TSPEAR: variants seen among roughly 807,000 people sequenced by gnomAD.
TSPEAR encodes the protein thrombospondin-type laminin G domain and EAR repeat-containing protein.
In TSPEAR, 69 loss-of-function variants were observed where a neutral mutation model predicts 71.6. That is an observed-to-expected ratio of 0.96 (90% confidence interval 0.79 to 1.18). The LOEUF (loss-of-function observed/expected upper bound fraction) is 1.18. TSPEAR is among the 50% of genes most tolerant of loss of function. The pLI is 0.00. For synonymous variants in TSPEAR, 402 were observed against 387.2 expected, an observed-to-expected ratio of 1.04 and a Z score of -0.45; for missense variants, 971 against 894.9, an observed-to-expected ratio of 1.09 and a Z score of -1.09.
chr21:44,626,322 G>A (rs587719602), intron 1 of TSPEAR, among the ~76,000 whole-genome samples: 10 of 152,342 alleles, frequency 6.6e-5, no homozygotes, highest in East Asian at 3.9e-4. Flanking sequence ...TCATGCAGCC[G>A]TGAGAGTTGC....
At chr21:44,636,079 A>C (rs900766057) in intron 1 of TSPEAR, among the ~76,000 whole-genome samples, 15 of 152,164 alleles carry the variant, frequency 9.9e-5, no homozygotes, top group Admixed American at 3.3e-4. Flanking sequence ...AATTTTTCAC[A>C]TTAATCTTCC....
At chr21:44,647,315 C>A in intron 1 of TSPEAR, 9 of 1,613,904 alleles carry the variant, frequency 5.6e-6, no homozygotes, top group East Asian at 2.2e-5. Context: ...TCCCGCCTGG[C>A]CTGCTACAGC....
At chr21:44,647,171 C>A (rs781930739) in intron 1 of TSPEAR, 1 of 1,614,060 alleles carries the variant, frequency 6.2e-7, no homozygotes, top group South Asian at 1.1e-5. Context: ...TCCTCTGTGT[C>A]CCTCCTCTGC....
chr21:44,630,743 C>G (rs1163179073), intron 1 of TSPEAR, among the ~76,000 whole-genome samples: 4 of 152,086 alleles, frequency 2.6e-5, no homozygotes, highest in Non-Finnish European at 5.9e-5. Flanking sequence ...AGGGTGTGGA[C>G]CAACACACAG....
At chr21:44,578,186 A>C (rs146240992) in intron 1 of TSPEAR, among the ~76,000 whole-genome samples, 36 of 152,374 alleles carry the variant, frequency 2.4e-4, no homozygotes, top group African/African-American at 8.2e-4. Context: ...GAACTAATAC[A>C]TCAGGAATGA....
At chr21:44,702,571 C>A in intron 1 of TSPEAR, 2 of 1,609,108 alleles carry the variant, frequency 1.2e-6, no homozygotes, top group Middle Eastern at 1.7e-4. Context: ...TAGCTGCCAG[C>A]CGGCTTGCTG....
intron 1 of TSPEAR, among the ~76,000 whole-genome samples, chr21:44,572,834 G>GAC (rs71199612): frequency 0.014 from 1,771 of 124,864 alleles, 17 homozygotes; most frequent in East Asian, 0.027. Flanking sequence ...GGGAGATTTG[G>GAC]ACACACACAC....
chr21:44,523,821 TAGTC>T (rs1392329125), intron 8 of TSPEAR, among the ~76,000 whole-genome samples: 30 of 142,336 alleles, frequency 2.1e-4, no homozygotes, highest in African/African-American at 7.2e-4. Context: ...GTCAGTCAGT[TAGTC>T]AGGTAATTAG....
intron 1 of TSPEAR, among the ~76,000 whole-genome samples, chr21:44,571,398 A>G (rs2053794360): frequency 6.6e-6 from 1 of 152,212 alleles, no homozygotes; most frequent in African/African-American, 2.4e-5. Flanking sequence ...AAAAACCAGC[A>G]CCAACACGAT....
At chr21:44,513,129 C>T (rs2052444149) in intron 9 of TSPEAR, among the ~76,000 whole-genome samples, 1 of 152,194 alleles carries the variant, frequency 6.6e-6, no homozygotes, top group African/African-American at 2.4e-5. Flanking sequence ...CTGGCAGAAC[C>T]CCCACGGGGT....
rs1200945937 is a variant in TSPEAR, at chr21:44,689,734, T to TATATATATATATATATATATATAA, written c.82+21698_82+21699insTTATATATATATATATATATATAT. 7.3e-5 allele frequency among the ~76,000 whole-genome samples: 9 copies of TATATATATATATATATATATATAA among 123,538 alleles called. 2 individuals carry two copies. Among genetic ancestry groups the TATATATATATATATATATATATAA allele is most frequent in the Non-Finnish European group, 1.2e-4 (7 of 60,366 alleles). The allele number at this position is 123,538 out of a possible 152,430, so 81.0% of individuals were successfully genotyped here. ...ATGAATATATATATATATATATATATATATATTTTGGGGGGGGTTACTAAG... is the reference window on the plus strand; with the variant it reads ...ATGAATATATATATATATATATATATATATATATATATATATATATATAAATATATTTTGGGGGGGGTTACTAAG... On this transcript the variant is annotated intron_variant, in intron 1 of 11. Coordinates refer to ENST00000323084, the MANE Select transcript of TSPEAR (RefSeq NM_144991.3).
At chr21:44,606,826 CAG>C (rs1257659429) in intron 1 of TSPEAR, among the ~76,000 whole-genome samples, 2 of 152,078 alleles carry the variant, frequency 1.3e-5, no homozygotes, top group Non-Finnish European at 2.9e-5. Context: ...AACTTAGAAA[CAG>C]AGAGCAGAAA....
chr21:44,681,678 G>A, intron 1 of TSPEAR: 1 of 1,057,986 alleles, frequency 9.5e-7, no homozygotes. Flanking sequence ...CAGGGCTCCA[G>A]ATCATTCTAT....
chr21:44,645,157 T>C (rs1465829400), intron 1 of TSPEAR, among the ~76,000 whole-genome samples: 1 of 152,192 alleles, frequency 6.6e-6, no homozygotes, highest in African/African-American at 2.4e-5. Context: ...AAAATCACCA[T>C]ATATGAAAAA....
At chr21:44,706,742 C>T (rs1169210480) in intron 1 of TSPEAR, among the ~76,000 whole-genome samples, 2 of 152,178 alleles carry the variant, frequency 1.3e-5, no homozygotes, top group Admixed American at 6.5e-5. Flanking sequence ...CCAGGCTGAA[C>T]CCGACTAGGT....
chr21:44,592,630 G>T, intron 1 of TSPEAR: 1 of 1,283,712 alleles, frequency 7.8e-7, no homozygotes, highest in Non-Finnish European at 1.1e-6. Flanking sequence ...GGGATTAGGG[G>T]TGTTTGTTCG....
intron 2 of TSPEAR, among the ~76,000 whole-genome samples, chr21:44,544,276 T>C (rs1331391894): frequency 2.0e-5 from 3 of 150,194 alleles, no homozygotes; most frequent in Non-Finnish European, 4.4e-5. Flanking sequence ...TGTGATATTA[T>C]GGCAATAGTA....
At chr21:44,626,685 C>T (rs1267696907) in intron 1 of TSPEAR, among the ~76,000 whole-genome samples, 2 of 152,168 alleles carry the variant, frequency 1.3e-5, no homozygotes, top group African/African-American at 4.8e-5. Flanking sequence ...AAGGACCATA[C>T]TAGAGGAGGA....
At chr21:44,524,919 GTAGT>G (rs1307679246) in intron 8 of TSPEAR, among the ~76,000 whole-genome samples, 1 of 150,940 alleles carries the variant, frequency 6.6e-6, no homozygotes, top group Non-Finnish European at 1.5e-5. Context: ...AGATAGTCAG[GTAGT>G]TAGTCATTCA....
Sources: gnomAD v4.1 joint callset for allele counts (sites outside exome capture counted in the v4.1 genomes callset) on GRCh38, gnomAD v4.1.1 for gene constraint, MANE v1.5 for transcripts, NCBI Gene and HGNC (gene_info 2026-07-23, HGNC 2026-07-21) for gene names.